The following SVEP1 variants were observed in gnomAD, a reference collection of about 807,000 sequenced individuals.
The protein encoded by SVEP1 is sushi, von Willebrand factor type A, EGF and pentraxin domain containing 1, also known as sushi, von Willebrand factor type A, EGF and pentraxin domain-containing protein 1.
A neutral mutation model predicts 367.3 loss-of-function variants in SVEP1; 164 were observed. That is an observed-to-expected ratio of 0.45 (90% CI 0.39 to 0.51). The LOEUF (loss-of-function observed/expected upper bound fraction) is 0.51, where lower values mean the gene tolerates loss of function less well. Among genes scored for constraint, SVEP1 ranks in the 20% least tolerant of loss-of-function variants. The pLI is 0.00. For missense variants in SVEP1, 4,117 were observed against 4,425.3 expected (o/e 0.93, Z 1.98); for synonymous variants, 1,666 against 1,611.6 (o/e 1.03, Z -0.81).
chr9:110,366,695 G>A (rs893202817), intron 47 of SVEP1, 135 bp from the exon 48 acceptor site: 10 of 742,770 alleles, frequency 1.3e-5, no homozygotes, highest in South Asian at 5.9e-5. Flanking sequence ...ATGTTTATAC[G>A]GATGGGGGTC....
At chr9:110,413,308 G>A (rs1050335819) in intron 36 of SVEP1, among the ~76,000 whole-genome samples, 15 of 148,212 alleles carry the variant, frequency 1.0e-4, no homozygotes, top group Non-Finnish European at 1.5e-4. Flanking sequence ...ACCAAACACC[G>A]CATATTCTCA....
chr9:110,458,004 G>C (rs2118633852), intron 20 of SVEP1: 2 of 400,034 alleles, frequency 5.0e-6, no homozygotes, highest in East Asian at 1.4e-4. Context: ...ATTTGGTTTA[G>C]CTATATTCTT....
intron 32 of SVEP1, among the ~76,000 whole-genome samples, chr9:110,430,881 G>C (rs1828340639): frequency 6.6e-6 from 1 of 152,160 alleles, no homozygotes; most frequent in African/African-American, 2.4e-5. Flanking sequence ...TTCCCAAATA[G>C]AGTATGGGCT....
At position 110,384,046 on chromosome 9, in the gene SVEP1, C is replaced by T. The variant is rs188040624; in HGVS notation, c.10237+1852G>A. Reference sequence around the variant, plus strand: ...TCAGTCATCTTAGGCAGCAGGCAGCCACAGTGACAGTGGCTGTTCCTCCCT... The same window carrying T: ...TCAGTCATCTTAGGCAGCAGGCAGCTACAGTGACAGTGGCTGTTCCTCCCT... On this transcript the variant is annotated intron_variant, in intron 43 of 47. Transcript: ENST00000374469. 1.9e-4 allele frequency among the ~76,000 whole-genome samples: 29 copies of T among 152,292 alleles called. No homozygotes were observed. The East Asian group carries it at 5.6e-3, about 29-fold the overall frequency.
intron 24 of SVEP1, 78 bp downstream of exon 24, chr9:110,449,981 A>G: frequency 7.3e-6 from 11 of 1,501,514 alleles, no homozygotes; most frequent in Non-Finnish European, 9.1e-6. Context: ...ACTCAAAGCA[A>G]TACTCCATAA....
intron 1 of SVEP1, among the ~76,000 whole-genome samples, chr9:110,552,310 G>A (rs569398430): frequency 2.6e-5 from 4 of 151,926 alleles, no homozygotes; most frequent in African/African-American, 4.8e-5. Flanking sequence ...GATTACAGGC[G>A]TGAGCCACCA....
rs553398633 is a variant in SVEP1, at chr9:110,379,318, A to G, written c.10408+29T>C. On this transcript the variant is annotated intron_variant, in intron 44 of 47. Coordinates refer to ENST00000374469, the MANE Select transcript of SVEP1 (RefSeq NM_153366.4). ...ATACACATTTCCCTGCAGTTTCACTAAGAAATAACCATTCAAATATTTCCT... is the reference window on the plus strand; with the variant it reads ...ATACACATTTCCCTGCAGTTTCACTGAGAAATAACCATTCAAATATTTCCT... 232 of 1,604,912 alleles carry G rather than the reference A, an allele frequency of 1.4e-4. 2 individuals carry two copies. In the South Asian group the frequency reaches 2.4e-3, roughly 17 times the overall value.
At chr9:110,466,073 C>T (rs1439112539) in intron 17 of SVEP1, 47 bp from the exon 18 acceptor site, 5 of 1,575,562 alleles carry the variant, frequency 3.2e-6, no homozygotes, top group Non-Finnish European at 4.3e-6. Context: ...TATTAAGCTG[C>T]ATAAAATTAG....
chr9:110,472,279 C>T lies in SVEP1; in HGVS notation c.2644G>A (p.Asp882Asn), dbSNP rs1245920697. The change falls in exon 15 of 48, where the codon GAT becomes AAT. Residue 882 changes from aspartate to asparagine, a missense_variant. Coordinates refer to ENST00000374469, the MANE Select transcript of SVEP1 (RefSeq NM_153366.4). ...GAANRLDYSY[D>N]DFLDTVQETA... ...TCTTGCACAGTGTCCAGGAAGTCATCGTAAGAGTAATCCAGCCTATTAGCT... is the reference window on the plus strand; with the variant it reads ...TCTTGCACAGTGTCCAGGAAGTCATTGTAAGAGTAATCCAGCCTATTAGCT... 1.1e-5 allele frequency: 17 copies of T among 1,610,806 alleles called. No homozygotes were observed. Among genetic ancestry groups the T allele is most frequent in the South Asian group, 7.7e-5 (7 of 90,348 alleles).
chr9:110,513,489 C>A (rs1829754995), intron 4 of SVEP1, among the ~76,000 whole-genome samples: 1 of 152,084 alleles, frequency 6.6e-6, no homozygotes, highest in Non-Finnish European at 1.5e-5. Context: ...CTACAAACCC[C>A]AAGAGCCACA....
intron 36 of SVEP1, among the ~76,000 whole-genome samples, chr9:110,423,894 A>C (rs1828213447): frequency 6.6e-6 from 1 of 152,228 alleles, no homozygotes; most frequent in Non-Finnish European, 1.5e-5. Context: ...TTAAACTACA[A>C]TTTGAGAAGT....
chr9:110,465,203 G>A (rs190694066), intron 18 of SVEP1, among the ~76,000 whole-genome samples: 2 of 151,724 alleles, frequency 1.3e-5, no homozygotes, highest in Admixed American at 6.6e-5. Context: ...CTCACAATCT[G>A]TCTTAAAAAG....
Position 110,562,750 on chromosome 9 carries a change from G to A in SVEP1, c.532-12646C>T, listed in dbSNP as rs539309588. On this transcript the variant is annotated intron_variant, in intron 1 of 47. Coordinates refer to ENST00000374469, the MANE Select transcript of SVEP1 (RefSeq NM_153366.4). ...GTTGCCTAGGCTGGAGTACAGTGGC[G>A]CAATCTTGGCTCACTGCATCCTCTG... Among the ~76,000 whole-genome samples the A allele has an allele frequency of 2.7e-4, 41 of 152,102 alleles. 1 individual carries two copies. The South Asian group carries it at 6.2e-3, about 23-fold the overall frequency.
In SVEP1 at chr9:110,380,069, G is replaced by T. The variant is rs1564123618; in HGVS notation, c.10238-552C>A. On this transcript the variant is annotated intron_variant, in intron 43 of 47. Transcript: ENST00000374469. Reference sequence around the variant, plus strand: ...CTTGATGAGGTTTATGAAATTCAAGGTTTCATGTTAGTTTTCCTCTTTTCA... The same window carrying T: ...CTTGATGAGGTTTATGAAATTCAAGTTTTCATGTTAGTTTTCCTCTTTTCA... 2.6e-5 allele frequency among the ~76,000 whole-genome samples: 4 copies of T among 152,268 alleles called. No homozygotes were observed. In the South Asian group the frequency reaches 8.3e-4, roughly 32 times the overall value.
intron 30 of SVEP1, among the ~76,000 whole-genome samples, chr9:110,433,267 C>G (rs1335218896): frequency 1.4e-5 from 2 of 147,510 alleles, no homozygotes; most frequent in African/African-American, 5.0e-5. Flanking sequence ...AATGGCCTAA[C>G]ACATAGACAC....
intron 47 of SVEP1, among the ~76,000 whole-genome samples, chr9:110,368,910 T>G (rs1827237784): frequency 6.6e-6 from 1 of 152,192 alleles, no homozygotes; most frequent in African/African-American, 2.4e-5. Flanking sequence ...TTACTTTAAT[T>G]GCTTTTTTAT....
chr9:110,492,010 T>TA (rs774254783), intron 8 of SVEP1, among the ~76,000 whole-genome samples: 3 of 151,942 alleles, frequency 2.0e-5, no homozygotes, highest in Non-Finnish European at 4.4e-5. Context: ...GCAGATTATC[T>TA]AAAAAAAGAT....
chr9:110,413,419 T>A (rs1202619398), intron 36 of SVEP1, among the ~76,000 whole-genome samples: 4 of 145,158 alleles, frequency 2.8e-5, no homozygotes, highest in Non-Finnish European at 4.5e-5. Context: ...GAGGGATAGC[T>A]TTGGGAGATA....
At chr9:110,498,315 G>C (rs898160027) in intron 7 of SVEP1, among the ~76,000 whole-genome samples, 3 of 152,134 alleles carry the variant, frequency 2.0e-5, no homozygotes, top group African/African-American at 7.2e-5. Context: ...TTCTTCTCTT[G>C]GTAGAGAAAT....
Sources: gnomAD v4.1 joint callset for allele counts (sites outside exome capture counted in the v4.1 genomes callset) on GRCh38, gnomAD v4.1.1 for gene constraint, MANE v1.5 for transcripts, NCBI Gene and HGNC (gene_info 2026-07-23, HGNC 2026-07-21) for gene names.